WIF1: variants seen among roughly 807,000 people sequenced by gnomAD.
The protein encoded by WIF1 is Wnt inhibitory factor 1.
A neutral mutation model predicts 53.5 loss-of-function variants in WIF1; 35 were observed. The ratio of observed to expected loss-of-function variants is 0.65; its 90% CI spans 0.50 to 0.87. The LOEUF (loss-of-function observed/expected upper bound fraction) is 0.87. Ranked by LOEUF, WIF1 falls within the 40% of genes least tolerant of loss-of-function variation. The pLI is 0.00. For missense variants in WIF1, 467 were observed against 476.8 expected, an observed-to-expected ratio of 0.98 and a Z score of 0.19; for synonymous variants, 171 against 170.4, an observed-to-expected ratio of 1.00 and a Z score of -0.03.
intron 2 of WIF1, among the ~76,000 whole-genome samples, chr12:65,100,321 A>C (rs1883263915): frequency 1.3e-5 from 2 of 152,186 alleles, no homozygotes; most frequent in South Asian, 4.1e-4. Context: ...GAGATCACTC[A>C]CCCACCACTT....
intron 3 of WIF1, among the ~76,000 whole-genome samples, chr12:65,070,076 G>A (rs1260312879): frequency 6.6e-6 from 1 of 152,072 alleles, no homozygotes; most frequent in Non-Finnish European, 1.5e-5. Flanking sequence ...TTTCTCCCTA[G>A]GTTTATAGGA....
At chr12:65,113,238 C>T (rs1373386649) in intron 2 of WIF1, among the ~76,000 whole-genome samples, 2 of 152,090 alleles carry the variant, frequency 1.3e-5, no homozygotes, top group Non-Finnish European at 2.9e-5. Flanking sequence ...AGGCCTCTTC[C>T]AGAGGTCCGG....
intron 7 of WIF1, among the ~76,000 whole-genome samples, chr12:65,060,740 T>C (rs1592387733): frequency 6.6e-6 from 1 of 152,234 alleles, no homozygotes; most frequent in Non-Finnish European, 1.5e-5. Flanking sequence ...ACTATACTTT[T>C]TTGTTTCTGT....
rs576007743 is a variant in WIF1, at chr12:65,068,057, C to T, written c.539-267G>A. On this transcript the variant is annotated intron_variant, in intron 4 of 9. Transcript: ENST00000286574. ...AAATTTTATTCTGCCTTCATCTCCT[C>T]CTATGGATCTACTGTACCTTGTTAA... 1.8e-4 allele frequency among the ~76,000 whole-genome samples: 27 copies of T among 152,234 alleles called. 1 individual carries two copies. The highest frequency in any genetic ancestry group is 2.5e-4 in the Non-Finnish European group (17 of 68,000).
At chr12:65,106,387 T>TG (rs1565760030) in intron 2 of WIF1, among the ~76,000 whole-genome samples, 82 of 151,416 alleles carry the variant, frequency 5.4e-4, no homozygotes, top group African/African-American at 1.6e-3. Flanking sequence ...TTTTTTATTT[T>TG]TTTTGTTTTT....
chr12:65,096,555 A>C (rs1883207842), intron 2 of WIF1, among the ~76,000 whole-genome samples: 1 of 152,250 alleles, frequency 6.6e-6, no homozygotes, highest in African/African-American at 2.4e-5. Flanking sequence ...TATTATAAAG[A>C]CACATGCACA....
chr12:65,083,802 C>CTCT (rs1882988068), intron 2 of WIF1: 2 of 269,522 alleles, frequency 7.4e-6, no homozygotes, highest in African/African-American at 1.0e-4. Flanking sequence ...CTTTCCTTTC[C>CTCT]TTTCCTTTCC....
intron 9 of WIF1, among the ~76,000 whole-genome samples, chr12:65,053,349 C>T (rs1163643101): frequency 3.3e-5 from 5 of 152,170 alleles, no homozygotes; most frequent in African/African-American, 1.2e-4. Flanking sequence ...CCACCCAAAT[C>T]TCATCTTGAA....
At chr12:65,074,811 C>T (rs1302922703) in intron 3 of WIF1, among the ~76,000 whole-genome samples, 8 of 65,542 alleles carry the variant, frequency 1.2e-4, no homozygotes, top group African/African-American at 4.8e-4. Flanking sequence ...GAGGGACACT[C>T]TGTCTCAAAA....
chr12:65,061,950 G>T (rs779842893), intron 7 of WIF1, among the ~76,000 whole-genome samples: 1 of 152,158 alleles, frequency 6.6e-6, no homozygotes, highest in African/African-American at 2.4e-5. Context: ...GTATCTGTGT[G>T]GTTCATTCAT....
intron 7 of WIF1, 52 bp from the exon 8 acceptor site, chr12:65,056,178 G>A (rs1281402590): frequency 6.5e-7 from 1 of 1,533,496 alleles, no homozygotes; most frequent in Non-Finnish European, 9.0e-7. Context: ...TTCATTCAGA[G>A]GTAATTACAT....
intron 2 of WIF1, among the ~76,000 whole-genome samples, chr12:65,097,557 T>G (rs182381688): frequency 6.6e-6 from 1 of 152,288 alleles, no homozygotes; most frequent in Admixed American, 6.5e-5. Context: ...TTAGTGACTT[T>G]GACAAACACA....
chr12:65,115,851 T>C lies in WIF1; in HGVS notation c.288+4566A>G, dbSNP rs183354504. Among the ~76,000 whole-genome samples the C allele has an allele frequency of 4.0e-3, 605 of 152,292 alleles. 16 individuals carry two copies. The highest frequency in any genetic ancestry group is 9.0e-4 in the Non-Finnish European group (61 of 68,020). ...TTGGGGGGACCTCAAAAGAAATTGA[T>C]GAGAATCTGATGAGCATTAATAAAT... On this transcript the variant is annotated intron_variant, in intron 2 of 9. Coordinates refer to ENST00000286574, the MANE Select transcript of WIF1 (RefSeq NM_007191.5).
chr12:65,092,113 G>C (rs1190920652), intron 2 of WIF1, among the ~76,000 whole-genome samples: 1 of 152,078 alleles, frequency 6.6e-6, no homozygotes, highest in African/African-American at 2.4e-5. Context: ...CCATAAAAAA[G>C]AATGAGTTCA....
At chr12:65,056,891 C>G (rs1014590746) in intron 7 of WIF1, among the ~76,000 whole-genome samples, 1 of 152,098 alleles carries the variant, frequency 6.6e-6, no homozygotes, top group Admixed American at 6.6e-5. Context: ...CTCAAGTGAT[C>G]CCCCCACCTC....
chr12:65,106,136 G>T (rs1883347752), intron 2 of WIF1, among the ~76,000 whole-genome samples: 1 of 152,106 alleles, frequency 6.6e-6, no homozygotes, highest in Admixed American at 6.6e-5. Flanking sequence ...GAATTAGCTG[G>T]TCTTTGCAAG....
intron 7 of WIF1, 89 bp from the exon 8 acceptor site, chr12:65,056,215 G>T: frequency 8.3e-7 from 1 of 1,210,362 alleles, no homozygotes; most frequent in Non-Finnish European, 1.2e-6. Flanking sequence ...AAGGCTTTGA[G>T]AGGATAAGTG....
intron 3 of WIF1, among the ~76,000 whole-genome samples, chr12:65,072,849 GT>G (rs1882805159): frequency 6.6e-6 from 1 of 152,168 alleles, no homozygotes; most frequent in African/African-American, 2.4e-5. Flanking sequence ...GCTAGATGAA[GT>G]TAGGCCAGAT....
At chr12:65,071,914 T>C (rs1255631408) in intron 3 of WIF1, among the ~76,000 whole-genome samples, 2 of 152,172 alleles carry the variant, frequency 1.3e-5, no homozygotes, top group Non-Finnish European at 2.9e-5. Flanking sequence ...AAAAGAAGAA[T>C]TACAGAAAGA....
Sources: allele counts gnomAD v4.1 joint callset (sites outside exome capture counted in the v4.1 genomes callset), GRCh38; gene constraint gnomAD v4.1.1; transcripts MANE v1.5; gene names NCBI Gene and HGNC (gene_info 2026-07-23, HGNC 2026-07-21).